The following EMG1 variants were observed in gnomAD, a reference collection of about 807,000 sequenced individuals.
EMG1 encodes the protein EMG1 N1-specific pseudouridine methyltransferase.
In EMG1, 24 loss-of-function variants were observed where a neutral mutation model predicts 26.9. The ratio of observed to expected loss-of-function variants is 0.89; its 90% CI spans 0.65 to 1.26. EMG1 has a LOEUF of 1.26. Among genes scored for constraint, EMG1 ranks in the 50% most tolerant of loss-of-function variants. EMG1 has a pLI of 0.00. For synonymous variants in EMG1, 140 were observed against 112.6 expected (o/e 1.24, Z -1.54); for missense variants, 299 against 307.6 (o/e 0.97, Z 0.21).
intron 7 of EMG1, among the ~76,000 whole-genome samples, chr12:6,995,847 T>C (rs2138348088): frequency 6.6e-6 from 1 of 152,242 alleles, no homozygotes; most frequent in South Asian, 2.1e-4. Context: ...CTCTACTGCT[T>C]CCCCTGGTCT....
rs1164512684 is a variant in EMG1, at chr12:6,987,049, G to A, written c.*155-733G>A. Among the ~76,000 whole-genome samples the A allele has an allele frequency of 6.6e-6, 1 of 151,882 alleles. No homozygotes were observed. On this transcript the variant is annotated intron_variant and NMD_transcript_variant, in intron 6 of 7. Transcript: ENST00000261406. This position sits in a 1 kb window ranked among gnomAD's most constrained non-coding sequence, Gnocchi z 4.1. ...AATTGCTTGAACCCAGGAGGCGGAG[G>A]TGGCAGTGAGCTGAGATCACGCCAT...
chr12:6,985,248 T>C (rs1374980102), intron 6 of EMG1, among the ~76,000 whole-genome samples: 1 of 150,934 alleles, frequency 6.6e-6, no homozygotes, highest in Non-Finnish European at 1.5e-5. Context: ...AAAAAAAAAT[T>C]AGCCGGGTGT....
intron 1 of EMG1, among the ~76,000 whole-genome samples, chr12:6,972,923 T>C (rs1012046532): frequency 2.0e-5 from 3 of 152,052 alleles, no homozygotes; most frequent in Non-Finnish European, 4.4e-5. Context: ...CTGCAGCCTC[T>C]ACTTCCCTGG....
rs190911484 is a variant in EMG1 at position 6,974,291 on chromosome 12, G to A, written c.169-48G>A. The A allele has an allele frequency of 3.5e-4, 483 of 1,398,770 alleles. 2 individuals carry two copies. The African/African-American group carries it at 6.0e-3, about 17-fold the overall frequency. 86.6% of individuals were successfully genotyped at this position (1,398,770 alleles called of 1,614,324 possible). A position where few individuals can be genotyped will look rare whatever the true frequency, so the allele number is the denominator to read the frequency against. ...CCACACTTGAAGAACCACGGGGCTA[G>A]GTAACAGAAGCTTATGCTGTTCTCT... On this transcript the variant is annotated intron_variant, in intron 1 of 5. Transcript: ENST00000599672.
intron 7 of EMG1, among the ~76,000 whole-genome samples, chr12:6,996,945 A>G (rs1034039004): frequency 6.6e-6 from 1 of 152,186 alleles, no homozygotes; most frequent in Non-Finnish European, 1.5e-5. Flanking sequence ...TCAAGGGAGG[A>G]AAAATATTGT....
At chr12:6,982,420 C>G (rs782709393), downstream of EMG1, among the ~76,000 whole-genome samples, 4 of 152,136 alleles carry the variant, frequency 2.6e-5, no homozygotes, top group Admixed American at 6.5e-5. Flanking sequence ...GTGGGTTAAA[C>G]CAAAGAGCCT....
downstream of EMG1, among the ~76,000 whole-genome samples, chr12:6,989,468 G>A (rs926292384): frequency 6.6e-6 from 1 of 151,860 alleles, no homozygotes; most frequent in African/African-American, 2.4e-5. Context: ...CCGCCATCAC[G>A]CCCAGCTAAT....
Position 6,977,063 on chromosome 12 carries a change from A to C in EMG1, c.*1254A>C. ...GAATTCACCCCAGATTTCTAATACT[A>C]TTGTTTTTTTCCAGTCTGTTGCTCT... On this transcript the variant is annotated 3_prime_UTR_variant, in exon 6 of 6. Coordinates refer to ENST00000599672, the MANE Select transcript of EMG1 (RefSeq NM_006331.8). This position sits in a 1 kb window ranked among gnomAD's most constrained non-coding sequence, Gnocchi z 4.5. The C allele has an allele frequency of 1.1e-6, 1 of 944,218 alleles. No homozygotes were observed. The highest frequency in any genetic ancestry group is 1.7e-6 in the Non-Finnish European group (1 of 585,154). The allele number at this position is 944,218 out of a possible 1,614,324, so 58.5% of individuals were successfully genotyped here.
rs117996263 is a variant in EMG1, at chr12:6,977,424, G to A, written c.*1615G>A. The A allele has an allele frequency of 6.9e-3, 11,216 of 1,614,192 alleles. 51 individuals carry two copies. The highest frequency in any genetic ancestry group is 7.6e-3 in the Non-Finnish European group (8,945 of 1,180,036). ...AGGCAGTCATGGAGTAACCCATGAAGAGCCAGTGGATGGTCTGTTGCACCA... is the reference window on the plus strand; with the variant it reads ...AGGCAGTCATGGAGTAACCCATGAAAAGCCAGTGGATGGTCTGTTGCACCA... On this transcript the variant is annotated 3_prime_UTR_variant, in exon 6 of 6. Transcript: ENST00000599672. This position sits in a 1 kb window ranked among gnomAD's most constrained non-coding sequence, Gnocchi z 4.5.
intron 7 of EMG1, among the ~76,000 whole-genome samples, chr12:6,996,141 T>C (rs1448604839): frequency 1.3e-5 from 2 of 151,430 alleles, no homozygotes; most frequent in African/African-American, 4.8e-5. Context: ...GACTCATCTC[T>C]CAATCTGGCC....
chr12:6,987,904 C>T lies in EMG1; in HGVS notation c.*211+66C>T, dbSNP rs1946544032. The T allele has an allele frequency of 5.0e-6, 2 of 400,346 alleles. No homozygotes were observed. Among genetic ancestry groups the T allele is most frequent in the South Asian group, 2.5e-4 (2 of 7,918 alleles). 24.8% of individuals were successfully genotyped at this position (400,346 alleles called of 1,614,324 possible). A position where few individuals can be genotyped will look rare whatever the true frequency, so the allele number is the denominator to read the frequency against. On this transcript the variant is annotated intron_variant and NMD_transcript_variant, in intron 7 of 7. Coordinates refer to the EMG1 transcript ENST00000261406. This position sits in a 1 kb window ranked among gnomAD's most constrained non-coding sequence, Gnocchi z 4.1. ...TGTCCTGAGTTCTGAGTTCTTGTGTCCACTTCTTATAGCCTGTCTGTCCCT... is the reference window on the plus strand; with the variant it reads ...TGTCCTGAGTTCTGAGTTCTTGTGTTCACTTCTTATAGCCTGTCTGTCCCT...
downstream of EMG1, chr12:6,982,643 T>A (rs782352289): frequency 2.6e-6 from 4 of 1,520,530 alleles, no homozygotes; most frequent in Non-Finnish European, 3.7e-6. Context: ...CGCTGTCAGC[T>A]GTAGCCTGAG....
rs782601712 is a variant in EMG1, at chr12:6,974,400, G to A, written c.230G>A (p.Gly77Glu). 6.2e-7 allele frequency: 1 copy of A among 1,613,888 alleles called. No individual in the cohort carries two copies. The highest frequency in any genetic ancestry group is 1.1e-5 in the South Asian group (1 of 91,068). Residue 77 changes from glycine to glutamate, a missense_variant, in exon 2 of 6, where the codon GGA becomes GAA. Gly to Glu is a moderately conservative substitution (Grantham distance 98). Coordinates refer to ENST00000599672, the MANE Select transcript of EMG1 (RefSeq NM_006331.8). Reference sequence around the variant, plus strand: ...CACAAGTCTATATTGTTGAAGAATGGACGGGACCCTGGGGAAGCGCGGCCA... The same window carrying A: ...CACAAGTCTATATTGTTGAAGAATGAACGGGACCCTGGGGAAGCGCGGCCA... ...DKHKSILLKN[G>E]RDPGEARPDI...
chr12:6,981,999 T>A (rs1189880972), downstream of EMG1: 11 of 721,358 alleles, frequency 1.5e-5, no homozygotes, highest in Non-Finnish European at 2.5e-5. Flanking sequence ...TTTCTCCTCA[T>A]CCCATCATTA....
At chr12:6,974,980 T>G in intron 3 of EMG1, 110 bp from the exon 4 acceptor site, 1 of 1,115,484 alleles carries the variant, frequency 9.0e-7, no homozygotes, top group Admixed American at 1.8e-5. Flanking sequence ...CCAGTCTAGA[T>G]ATAAAGCACA....
At chr12:6,982,110 G>C (rs1555154182), downstream of EMG1, among the ~76,000 whole-genome samples, 5 of 152,076 alleles carry the variant, frequency 3.3e-5, no homozygotes, top group Non-Finnish European at 7.4e-5. Flanking sequence ...ACTGAGATGA[G>C]AATTTAGATG....
chr12:6,975,799 G>A lies in EMG1; in HGVS notation c.725G>A (p.Gly242Glu), dbSNP rs1946391470. 2 of 1,602,472 alleles carry A rather than the reference G, an allele frequency of 1.2e-6. No individual in the cohort carries two copies. The highest frequency in any genetic ancestry group is 2.2e-5 in the East Asian group (1 of 44,846). The stretch of plus-strand genomic sequence containing the variant: ...ACCACAGCCTTTGAGGAAGTATGGG[G>A]GGTCATTTGACAGTAGTAGAACCTG... Reference protein sequence around the residue: ...KLTTAFEEVWGVI With the variant: ...KLTTAFEEVWEVI Residue 242 changes from glycine to glutamate, a missense_variant, in exon 6 of 6, where the codon GGG (glycine) becomes GAG (glutamate). Coordinates refer to ENST00000599672, the MANE Select transcript of EMG1 (RefSeq NM_006331.8).
intron 1 of EMG1, among the ~76,000 whole-genome samples, chr12:6,973,705 G>C (rs1555152582): frequency 6.6e-6 from 1 of 151,852 alleles, no homozygotes; most frequent in African/African-American, 2.4e-5. Context: ...ACCATGCCCG[G>C]CTAATTTTTT....
chr12:6,978,456 C>T lies in EMG1; in HGVS notation c.*2647C>T. 1 of 1,614,126 alleles carries T rather than the reference C, an allele frequency of 6.2e-7. No individual in the cohort carries two copies. The highest frequency in any genetic ancestry group is 8.5e-7 in the Non-Finnish European group (1 of 1,180,010). ...GCACAGGCATCCCACTTTGCCTTGC[C>T]CTTTTCTTCAAAGCCATTGAAGCCC... On this transcript the variant is annotated 3_prime_UTR_variant, in exon 6 of 6. Transcript: ENST00000599672.
Sources: allele counts gnomAD v4.1 joint callset (sites outside exome capture counted in the v4.1 genomes callset), GRCh38; gene constraint gnomAD v4.1.1; non-coding constraint Gnocchi (gnomAD v3.1); transcripts MANE v1.5; gene names NCBI Gene and HGNC (gene_info 2026-07-23, HGNC 2026-07-21).